The following PREX1 variants were observed in gnomAD, a reference collection of about 807,000 sequenced individuals.
PREX1 encodes the protein phosphatidylinositol-3,4,5-trisphosphate dependent Rac exchange factor 1.
Under a neutral mutation model 198.3 loss-of-function variants are expected in PREX1, and 41 were observed. The ratio of observed to expected loss-of-function variants is 0.21; its 90% CI spans 0.16 to 0.27. PREX1 has a LOEUF of 0.27. PREX1 is among the 10% of genes least tolerant of loss of function. PREX1 has a pLI of 1.00. For missense variants in PREX1, 1,620 were observed against 2,200.7 expected (o/e 0.74, Z 5.28); for synonymous variants, 843 against 887.2 (o/e 0.95, Z 0.89).
chr20:48,853,989 C>T, the PREX1 span, among the ~76,000 whole-genome samples: 2 of 152,222 alleles, frequency 1.3e-5, no homozygotes, highest in Non-Finnish European at 2.9e-5. Context: ...GTCCCGTGCA[C>T]ACCTCTCAGG....
intron 15 of PREX1, among the ~76,000 whole-genome samples, chr20:48,661,631 T>C (rs1389891919): frequency 1.3e-5 from 2 of 148,534 alleles, no homozygotes; most frequent in Admixed American, 6.7e-5. Flanking sequence ...TATCAACCAA[T>C]TGGTGATCTG....
At chr20:48,814,508 A>G (rs749125174) in intron 1 of PREX1, among the ~76,000 whole-genome samples, 4 of 152,214 alleles carry the variant, frequency 2.6e-5, no homozygotes, top group Admixed American at 6.5e-5. Flanking sequence ...TAATAGGAAG[A>G]GCAAAGGAAA....
At chr20:48,770,157 T>C (rs530306859) in intron 1 of PREX1, among the ~76,000 whole-genome samples, 1 of 152,274 alleles carries the variant, frequency 6.6e-6, no homozygotes, top group East Asian at 1.9e-4. Flanking sequence ...TCTAGGTCAG[T>C]GGGTCTGATG....
intron 1 of PREX1, among the ~76,000 whole-genome samples, chr20:48,791,208 C>T (rs1477123364): frequency 6.6e-6 from 1 of 152,166 alleles, no homozygotes; most frequent in African/African-American, 2.4e-5. Flanking sequence ...ACAGACAAAG[C>T]ACACAGAAAT....
At position 48,758,148 on chromosome 20, in the gene PREX1, C is replaced by T. The variant is rs191949206; in HGVS notation, c.220-10268G>A. 2.4e-4 allele frequency among the ~76,000 whole-genome samples: 37 copies of T among 152,218 alleles called. 1 individual carries two copies. In the East Asian group the frequency reaches 6.4e-3, roughly 26 times the overall value. Reference sequence around the variant, plus strand: ...GGAACCAAGAAGGGAAGGCAGCCCACGAAGGGTATGAGACCAAGCAAGTTA... The same window carrying T: ...GGAACCAAGAAGGGAAGGCAGCCCATGAAGGGTATGAGACCAAGCAAGTTA... On this transcript the variant is annotated intron_variant, in intron 1 of 39. Coordinates refer to ENST00000371941, the MANE Select transcript of PREX1 (RefSeq NM_020820.4).
chr20:48,768,430 C>G (rs943636018), intron 1 of PREX1, among the ~76,000 whole-genome samples: 10 of 152,146 alleles, frequency 6.6e-5, no homozygotes, highest in Non-Finnish European at 1.3e-4. Context: ...AAGGGTGCAG[C>G]CACCCGTGGG....
intron 1 of PREX1, among the ~76,000 whole-genome samples, chr20:48,777,257 T>C (rs1050207963): frequency 2.6e-5 from 4 of 152,098 alleles, no homozygotes; most frequent in African/African-American, 9.7e-5. Flanking sequence ...CAACATGAGC[T>C]GGTCATGCCC....
intron 14 of PREX1, among the ~76,000 whole-genome samples, chr20:48,675,571 A>G (rs558895060): frequency 2.6e-5 from 4 of 152,348 alleles, no homozygotes; most frequent in African/African-American, 7.2e-5. Flanking sequence ...AGAGTAGTCA[A>G]GTTCATAGAG....
intron 1 of PREX1, among the ~76,000 whole-genome samples, chr20:48,799,656 A>C (rs1470395215): frequency 2.0e-5 from 3 of 152,112 alleles, no homozygotes; most frequent in African/African-American, 7.2e-5. Flanking sequence ...CCCATGGGTA[A>C]GGGTTTTCCA....
intron 33 of PREX1, 39 bp downstream of exon 33, chr20:48,634,637 C>T: frequency 6.3e-7 from 1 of 1,599,124 alleles, no homozygotes; most frequent in Non-Finnish European, 8.6e-7. Context: ...CACCCCAGGA[C>T]CCCACCTCTC....
At chr20:48,677,844 G>A (rs1464755720) in intron 13 of PREX1, among the ~76,000 whole-genome samples, 1 of 151,694 alleles carries the variant, frequency 6.6e-6, no homozygotes, top group Non-Finnish European at 1.5e-5. Context: ...AAATTACCCA[G>A]GCATGGTGGT....
At chr20:48,717,025 A>T (rs1346436193) in intron 5 of PREX1, among the ~76,000 whole-genome samples, 1 of 152,228 alleles carries the variant, frequency 6.6e-6, no homozygotes, top group Non-Finnish European at 1.5e-5. Context: ...TTTTTTTAAA[A>T]GTAAGTTTAA....
intron 17 of PREX1, 106 bp downstream of exon 17, chr20:48,658,030 G>A (rs953156515): frequency 6.7e-5 from 74 of 1,107,512 alleles, no homozygotes; most frequent in Non-Finnish European, 8.5e-5. Flanking sequence ...AGGAGTCAGC[G>A]ATCATTCCAG....
At position 48,813,982 on chromosome 20, in the gene PREX1, G is replaced by C. The variant is rs1389166446; in HGVS notation, c.219+13660C>G. 3.9e-5 allele frequency among the ~76,000 whole-genome samples: 6 copies of C among 152,346 alleles called. No individual in the cohort carries two copies. The East Asian group carries it at 1.2e-3, about 29-fold the overall frequency. ...TTTAAAACCACCCAATCAACAGCTTGGTGGGCCACTGGCTGGTGGCTGAGA... is the reference window on the plus strand; with the variant it reads ...TTTAAAACCACCCAATCAACAGCTTCGTGGGCCACTGGCTGGTGGCTGAGA... On this transcript the variant is annotated intron_variant, in intron 1 of 39. Coordinates refer to ENST00000371941, the MANE Select transcript of PREX1 (RefSeq NM_020820.4).
the PREX1 span, among the ~76,000 whole-genome samples, chr20:48,839,235 C>T: frequency 5.3e-5 from 8 of 152,032 alleles, no homozygotes; most frequent in African/African-American, 1.9e-4. Flanking sequence ...GCCATTTGAC[C>T]GTCAACTGCA....
chr20:48,851,949 A>G, the PREX1 span, among the ~76,000 whole-genome samples: 1 of 152,168 alleles, frequency 6.6e-6, no homozygotes, highest in African/African-American at 2.4e-5. Flanking sequence ...ATTATTTGCC[A>G]AAAATATTTA....
At chr20:48,690,528 G>A (rs972304119) in intron 9 of PREX1, among the ~76,000 whole-genome samples, 3 of 151,576 alleles carry the variant, frequency 2.0e-5, no homozygotes, top group Non-Finnish European at 4.4e-5. Flanking sequence ...ACTTCCTCAT[G>A]TGAACTGCTT....
At chr20:48,673,216 T>C (rs2089687812) in intron 14 of PREX1, among the ~76,000 whole-genome samples, 1 of 152,210 alleles carries the variant, frequency 6.6e-6, no homozygotes, top group African/African-American at 2.4e-5. Flanking sequence ...CATGGCATCT[T>C]GCGTGCCCAA....
At chr20:48,743,767 C>G (rs909622579) in intron 3 of PREX1, among the ~76,000 whole-genome samples, 3 of 152,220 alleles carry the variant, frequency 2.0e-5, no homozygotes, top group African/African-American at 7.2e-5. Flanking sequence ...GCTGAGAGGA[C>G]CACAGTTCAT....
Sources: gnomAD v4.1 joint callset for allele counts (sites outside exome capture counted in the v4.1 genomes callset) on GRCh38, gnomAD v4.1.1 for gene constraint, MANE v1.5 for transcripts, NCBI Gene and HGNC (gene_info 2026-07-23, HGNC 2026-07-21) for gene names.